PCDHA3: variants seen among roughly 807,000 people sequenced by gnomAD.
PCDHA3 encodes protocadherin alpha 3, also known as protocadherin alpha-3.
PCDHA3 carries 41 observed loss-of-function variants against 62.2 expected under a neutral mutation model. The ratio of observed to expected loss-of-function variants is 0.66; its 90% CI spans 0.51 to 0.86. The LOEUF (loss-of-function observed/expected upper bound fraction) is 0.86, where lower values mean the gene tolerates loss of function less well. Ranked by LOEUF, PCDHA3 falls within the 40% of genes least tolerant of loss-of-function variation. PCDHA3 has a pLI of 0.00. For synonymous variants in PCDHA3, 640 were observed against 555.4 expected (o/e 1.15, Z -2.14); for missense variants, 1,304 against 1,241.2 (o/e 1.05, Z -0.76).
At chr5:140,955,684 G>A (rs1231376434) in intron 1 of PCDHA3, among the ~76,000 whole-genome samples, 2 of 152,156 alleles carry the variant, frequency 1.3e-5, no homozygotes, top group African/African-American at 4.8e-5. Flanking sequence ...TTCGAAATCT[G>A]TGATGAATGT....
chr5:140,957,555 A>G (rs911734380), intron 1 of PCDHA3, among the ~76,000 whole-genome samples: 4 of 152,120 alleles, frequency 2.6e-5, no homozygotes, highest in Admixed American at 2.6e-4. Flanking sequence ...TTCTCTGTGG[A>G]AAAGGAGGGA....
In PCDHA3 at chr5:140,857,751, C is replaced by T. The variant is rs2044861068; in HGVS notation, c.2394+54160C>T. The T allele has an allele frequency of 3.1e-6, 5 of 1,597,310 alleles. 1 individual carries two copies. Among genetic ancestry groups the T allele is most frequent in the East Asian group, 4.5e-5 (2 of 44,822 alleles). ...AACGCTCCCGCGCTGCTGGCGTCTCCCGCTGGCAGCGCGGGCGGTGCAGTC... is the reference window on the plus strand; with the variant it reads ...AACGCTCCCGCGCTGCTGGCGTCTCTCGCTGGCAGCGCGGGCGGTGCAGTC... On this transcript the variant is annotated intron_variant, in intron 1 of 3. Coordinates refer to ENST00000522353, the MANE Select transcript of PCDHA3 (RefSeq NM_018906.3).
chr5:140,903,301 A>G (rs575233990), intron 1 of PCDHA3, among the ~76,000 whole-genome samples: 1 of 152,302 alleles, frequency 6.6e-6, no homozygotes, highest in East Asian at 1.9e-4. Context: ...GAAATTTAGT[A>G]TACAATAAAG....
chr5:140,912,064 A>G (rs1388725837), intron 1 of PCDHA3, among the ~76,000 whole-genome samples: 10 of 152,216 alleles, frequency 6.6e-5, no homozygotes, highest in Non-Finnish European at 1.0e-4. Flanking sequence ...TTGGAGTCCA[A>G]TGTTCAAGGG....
intron 1 of PCDHA3, among the ~76,000 whole-genome samples, chr5:140,886,605 A>C (rs998772471): frequency 2.6e-5 from 4 of 152,108 alleles, no homozygotes; most frequent in Admixed American, 6.5e-5. Flanking sequence ...AGGTGGGCGG[A>C]TCAGGAGATC....
At chr5:140,895,868 A>G (rs555320203) in intron 1 of PCDHA3, among the ~76,000 whole-genome samples, 5 of 152,228 alleles carry the variant, frequency 3.3e-5, no homozygotes, top group Admixed American at 6.5e-5. Flanking sequence ...CTGGAGTGCA[A>G]TGGCGCGATC....
chr5:140,804,434 T>C (rs543620416), intron 1 of PCDHA3: 35 of 152,232 alleles, frequency 2.3e-4, no homozygotes, highest in African/African-American at 7.9e-4. Context: ...TTTAAAAGAA[T>C]GTTTTAAATC....
intron 1 of PCDHA3, chr5:140,883,099 A>C: frequency 6.2e-7 from 1 of 1,614,150 alleles, no homozygotes. Flanking sequence ...ATGGAGATAT[A>C]GTTTACTCAT....
Position 140,802,748 on chromosome 5 carries a change from G to A in PCDHA3, c.1551G>A (p.Val517=). ...YVSVHAESGK[V]YALQPLDHEE... The stretch of plus-strand genomic sequence containing the variant: ...CGGTACACGCGGAGAGCGGCAAGGT[G>A]TACGCGCTGCAGCCGCTGGACCACG... The change falls in exon 1 of 4, where the codon GTG becomes GTA. Residue 517 remains valine, a synonymous_variant. Coordinates refer to ENST00000522353, the MANE Select transcript of PCDHA3 (RefSeq NM_018906.3). 1 of 1,612,602 alleles carries A rather than the reference G, an allele frequency of 6.2e-7. No individual in the cohort carries two copies. Among genetic ancestry groups the A allele is most frequent in the Non-Finnish European group, 8.5e-7 (1 of 1,179,806 alleles).
intron 1 of PCDHA3, chr5:140,969,220 G>A (rs2096308533): frequency 6.2e-7 from 1 of 1,614,084 alleles, no homozygotes; most frequent in African/African-American, 1.3e-5. Flanking sequence ...CAGGACCAGG[G>A]CCTTCGGGAG....
chr5:140,823,251 G>A (rs2150123936), intron 1 of PCDHA3: 34 of 1,613,318 alleles, frequency 2.1e-5, no homozygotes, highest in Non-Finnish European at 2.5e-5. Flanking sequence ...TGTCCTACTC[G>A]CTGGTGGAGC....
At chr5:140,841,633 C>T in intron 1 of PCDHA3, 1 of 1,614,144 alleles carries the variant, frequency 6.2e-7, no homozygotes, top group Non-Finnish European at 8.5e-7. Flanking sequence ...AGTGCAGCAT[C>T]CACCTGGAGG....
chr5:140,997,334 C>G (rs2097767888), intron 3 of PCDHA3, among the ~76,000 whole-genome samples: 3 of 152,098 alleles, frequency 2.0e-5, no homozygotes, highest in Admixed American at 2.0e-4. Flanking sequence ...TTTCGTTGTA[C>G]AAATATCATA....
At chr5:140,836,901 A>G (rs1554136348) in intron 1 of PCDHA3, 1 of 593,604 alleles carries the variant, frequency 1.7e-6, no homozygotes, top group Non-Finnish European at 2.8e-6. Flanking sequence ...AAGTACGTTT[A>G]ATATACACTT....
In PCDHA3 at chr5:140,801,844, A is replaced by G; in HGVS notation, c.647A>G (p.Asp216Gly). 1 of 1,614,088 alleles carries G rather than the reference A, an allele frequency of 6.2e-7. No individual in the cohort carries two copies. Among genetic ancestry groups the G allele is most frequent in the South Asian group, 1.1e-5 (1 of 91,092 alleles). ...CATTATTTACTAATAACAGCAATTG[A>G]TGGTGGGAAACCAGAGCTCACTGGC... ...PKHYLLITAI[D>G]GGKPELTGTT... Residue 216 changes from aspartate to glycine, a missense_variant, in exon 1 of 4, where the codon GAT becomes GGT. Asp to Gly is a moderately conservative substitution (Grantham distance 94). Transcript: ENST00000522353.
chr5:141,001,020 TATA>T (rs539315208), intron 3 of PCDHA3, among the ~76,000 whole-genome samples: 5 of 152,250 alleles, frequency 3.3e-5, no homozygotes, highest in Non-Finnish European at 5.9e-5. Context: ...GATATACACT[TATA>T]ATAATAGCTT....
In PCDHA3 at chr5:140,802,758, C is replaced by T. The variant is rs782690309; in HGVS notation, c.1561C>T (p.Gln521Ter). The change falls in exon 1 of 4, where the codon CAG becomes TAG. Residue 521 changes from glutamine (Q) to a stop codon, truncating the protein, a stop_gained. Transcript: ENST00000522353. LOFTEE classifies it high-confidence loss of function. ...GGAGAGCGGCAAGGTGTACGCGCTG[C>T]AGCCGCTGGACCACGAGGAGCTAGA... Reference protein sequence around the residue: ...HAESGKVYALQPLDHEELELL... With the variant: ...HAESGKVYAL 2 of 1,612,718 alleles carry T rather than the reference C, an allele frequency of 1.2e-6. No homozygotes were observed. Among genetic ancestry groups the T allele is most frequent in the Admixed American group, 1.7e-5 (1 of 60,024 alleles).
chr5:140,809,587 T>G (rs1459606311), intron 1 of PCDHA3: 1 of 1,541,008 alleles, frequency 6.5e-7, no homozygotes, highest in African/African-American at 1.4e-5. Flanking sequence ...GTGTATAACA[T>G]CCTTTTGTTT....
At chr5:140,883,349 GA>G in intron 1 of PCDHA3, 1 of 1,614,142 alleles carries the variant, frequency 6.2e-7, no homozygotes, top group Non-Finnish European at 8.5e-7. Flanking sequence ...CCCCATCAGA[GA>G]AGACACTCAG....
Sources: gnomAD v4.1 joint callset for allele counts (sites outside exome capture counted in the v4.1 genomes callset) on GRCh38, gnomAD v4.1.1 for gene constraint, MANE v1.5 for transcripts, NCBI Gene and HGNC (gene_info 2026-07-23, HGNC 2026-07-21) for gene names.